MAP4K3: variants seen among roughly 807,000 people sequenced by gnomAD.
The protein encoded by MAP4K3 is MAPK/ERK kinase kinase kinase 3.
In MAP4K3, 94 loss-of-function variants were observed where a neutral mutation model predicts 143.5. The observed-to-expected ratio is 0.65, with a 90% CI of 0.55 to 0.78. The LOEUF is 0.78. Ranked by LOEUF, MAP4K3 falls within the 30% of genes least tolerant of loss-of-function variation. MAP4K3 has a pLI of 0.00. For missense variants in MAP4K3, 1,077 were observed against 1,068.1 expected, an observed-to-expected ratio of 1.01 and a Z score of -0.12; for synonymous variants, 416 against 347.2, an observed-to-expected ratio of 1.20 and a Z score of -2.20.
chr2:39,308,309 C>T (rs901134132), intron 14 of MAP4K3, among the ~76,000 whole-genome samples: 11 of 152,178 alleles, frequency 7.2e-5, no homozygotes, highest in African/African-American at 2.7e-4. Flanking sequence ...ATCATGACTA[C>T]TTTTTCTTAA....
chr2:39,272,421 G>C, intron 25 of MAP4K3, 21 bp from the exon 26 acceptor site: 1 of 1,600,588 alleles, frequency 6.2e-7, no homozygotes, highest in South Asian at 1.1e-5. Flanking sequence ...AAACAGATAT[G>C]ACATAAAAGC....
chr2:39,430,633 A>G (rs1244538873), intron 1 of MAP4K3, among the ~76,000 whole-genome samples: 1 of 152,224 alleles, frequency 6.6e-6, no homozygotes, highest in Non-Finnish European at 1.5e-5. Context: ...GTATTTTAAA[A>G]AAAACAAAAT....
At chr2:39,301,950 G>A (rs1450868677) in intron 15 of MAP4K3, among the ~76,000 whole-genome samples, 2 of 152,014 alleles carry the variant, frequency 1.3e-5, no homozygotes, top group African/African-American at 2.4e-5. Flanking sequence ...CTTGAACCCG[G>A]GAGGCGGAGG....
rs548068069 is a variant in MAP4K3, at chr2:39,427,813, G to A, written c.96+9079C>T. 2.4e-4 allele frequency among the ~76,000 whole-genome samples: 36 copies of A among 152,270 alleles called. No homozygotes were observed. The South Asian group carries it at 6.6e-3, about 28-fold the overall frequency. On this transcript the variant is annotated intron_variant, in intron 1 of 33. Transcript: ENST00000263881. ...AAATACTACATTGTAGGTCAAGTGA[G>A]TTCTAAATTCTTCAACTGGCATTCA...
At chr2:39,262,406 G>A (rs1403844532) in intron 28 of MAP4K3, among the ~76,000 whole-genome samples, 1 of 152,030 alleles carries the variant, frequency 6.6e-6, no homozygotes, top group Non-Finnish European at 1.5e-5. Flanking sequence ...TTACCTTGGG[G>A]CACATGCTTT....
intron 1 of MAP4K3, among the ~76,000 whole-genome samples, chr2:39,430,703 T>C (rs564027083): frequency 1.3e-5 from 2 of 152,340 alleles, no homozygotes; most frequent in Admixed American, 1.3e-4. Context: ...GGGTATTTAG[T>C]TCAAAATGAC....
Position 39,265,340 on chromosome 2 carries a change from T to C in MAP4K3, c.2033-34A>G, listed in dbSNP as rs747515210. ...GCAAAAATATAAATGAGTTCTCTTA[T>C]AAAACAAAGTCATTATGACAATAAT... On this transcript the variant is annotated intron_variant, in intron 27 of 33. Transcript: ENST00000263881. 5 of 1,228,092 alleles carry C rather than the reference T, an allele frequency of 4.1e-6. No homozygotes were observed. In the South Asian group the frequency reaches 4.9e-5, roughly 12 times the overall value. 76.1% of individuals were successfully genotyped at this position (1,228,092 alleles called of 1,614,324 possible). A position where few individuals can be genotyped will look rare whatever the true frequency, so the allele number is the denominator to read the frequency against.
chr2:39,411,496 G>A (rs1053366412), intron 1 of MAP4K3, among the ~76,000 whole-genome samples: 2 of 152,146 alleles, frequency 1.3e-5, no homozygotes, highest in Admixed American at 6.5e-5. Flanking sequence ...GTATGGTGCC[G>A]GGTACAGGGA....
At chr2:39,282,172 G>A (rs955957836) in intron 22 of MAP4K3, among the ~76,000 whole-genome samples, 11 of 149,564 alleles carry the variant, frequency 7.4e-5, no homozygotes, top group Non-Finnish European at 1.5e-5. Flanking sequence ...TCTAGCCTGG[G>A]CAACAGAGTG....
intron 13 of MAP4K3, among the ~76,000 whole-genome samples, chr2:39,314,835 G>A (rs1458226171): frequency 6.6e-6 from 1 of 152,172 alleles, no homozygotes; most frequent in Non-Finnish European, 1.5e-5. Context: ...TGGAAAAGTG[G>A]TGCCTGAGAA....
At chr2:39,402,430 A>G (rs1015278900) in intron 1 of MAP4K3, among the ~76,000 whole-genome samples, 1 of 152,214 alleles carries the variant, frequency 6.6e-6, no homozygotes, top group African/African-American at 2.4e-5. Context: ...AAATGAGCAG[A>G]AAGCTACATT....
At chr2:39,350,686 A>G (rs1486049688) in intron 3 of MAP4K3, among the ~76,000 whole-genome samples, 5 of 152,190 alleles carry the variant, frequency 3.3e-5, no homozygotes, top group Admixed American at 3.3e-4. Context: ...TAAATACACC[A>G]TAATTAGTTT....
chr2:39,365,545 C>T (rs954220154), intron 2 of MAP4K3, among the ~76,000 whole-genome samples: 17 of 149,116 alleles, frequency 1.1e-4, no homozygotes, highest in Non-Finnish European at 1.6e-4. Flanking sequence ...CCCGGGTTCA[C>T]GCCATTCTCC....
chr2:39,255,999 TA>T lies in MAP4K3; in HGVS notation c.2471-1480del, dbSNP rs200635811. Among the ~76,000 whole-genome samples, 340 of 151,662 alleles carry T rather than the reference TA, an allele frequency of 2.2e-3. 1 individual carries two copies. Among genetic ancestry groups the T allele is most frequent in the East Asian group, 4.8e-3 (25 of 5,180 alleles). ...TTCACTTGCTGAATCTTTTATGTCT[TA>T]AAAAAAAATAATTTGGAGGTTCCTA... On this transcript the variant is annotated intron_variant, in intron 31 of 33. Transcript: ENST00000263881.
chr2:39,434,132 G>A (rs1205078990), intron 1 of MAP4K3, among the ~76,000 whole-genome samples: 2 of 152,070 alleles, frequency 1.3e-5, no homozygotes, highest in Non-Finnish European at 2.9e-5. Flanking sequence ...GACTATAATC[G>A]GATCTCTTAT....
At chr2:39,305,400 C>CT (rs1182851259) in intron 15 of MAP4K3, among the ~76,000 whole-genome samples, 8 of 152,194 alleles carry the variant, frequency 5.3e-5, no homozygotes, top group African/African-American at 1.9e-4. Flanking sequence ...AATCCCAGCT[C>CT]TGCTATTCTT....
chr2:39,288,374 C>T, intron 19 of MAP4K3, 94 bp from the exon 20 acceptor site: 3 of 1,100,682 alleles, frequency 2.7e-6, no homozygotes, highest in Non-Finnish European at 4.0e-6. Context: ...CAAATTATTT[C>T]TACTATACAT....
chr2:39,351,842 G>T (rs146386185), intron 3 of MAP4K3, among the ~76,000 whole-genome samples: 6,071 of 151,972 alleles, frequency 0.04, 171 homozygotes, highest in African/African-American at 0.078. Context: ...CTAATTTTTT[G>T]TATTTTTAAT....
At chr2:39,258,630 T>C in intron 29 of MAP4K3, 43 bp from the exon 30 acceptor site, 1 of 1,288,136 alleles carries the variant, frequency 7.8e-7, no homozygotes. Flanking sequence ...GAAACTGTGA[T>C]ACTTAAAGCA....
Sources: allele counts gnomAD v4.1 joint callset (sites outside exome capture counted in the v4.1 genomes callset), GRCh38; gene constraint gnomAD v4.1.1; transcripts MANE v1.5; gene names NCBI Gene and HGNC (gene_info 2026-07-23, HGNC 2026-07-21).